NCOA3: variants seen among roughly 807,000 people sequenced by gnomAD.
NCOA3 encodes the protein nuclear receptor coactivator 3.
In NCOA3, 51 loss-of-function variants were observed where a neutral mutation model predicts 158.8. The ratio of observed to expected loss-of-function variants is 0.32; its 90% CI spans 0.26 to 0.41. NCOA3 has a LOEUF of 0.41. Ranked by LOEUF, NCOA3 falls within the 10% of genes least tolerant of loss-of-function variation. The pLI is 1.00. For missense variants in NCOA3, 1,510 were observed against 1,746.6 expected, an observed-to-expected ratio of 0.86 and a Z score of 2.41; for synonymous variants, 537 against 592.4, an observed-to-expected ratio of 0.91 and a Z score of 1.36.
In NCOA3 at chr20:47,655,586, G is replaced by A. The variant is rs3746480; in HGVS notation, c.*2169G>A. On this transcript the variant is annotated 3_prime_UTR_variant, in exon 23 of 23. Transcript: ENST00000371998. ...TATATCTAAGAAAGATTGTAAATCCGAAAACTTCCATTGTAGTGGCCTGTG... is the reference window on the plus strand; with the variant it reads ...TATATCTAAGAAAGATTGTAAATCCAAAAACTTCCATTGTAGTGGCCTGTG... The A allele has an allele frequency of 2.0e-5, 3 of 152,494 alleles. No individual in the cohort carries two copies. The highest frequency in any genetic ancestry group is 1.9e-4 in the East Asian group (1 of 5,188). 9.4% of individuals were successfully genotyped at this position (152,494 alleles called of 1,614,324 possible).
Position 47,636,404 on chromosome 20 carries a change from T to C in NCOA3, c.2018T>C (p.Met673Thr). 1.2e-6 allele frequency: 2 copies of C among 1,614,094 alleles called. No homozygotes were observed. Among genetic ancestry groups the C allele is most frequent in the South Asian group, 1.1e-5 (1 of 91,080 alleles). The change falls in exon 12 of 23, where the codon ATG (methionine) becomes ACG (threonine). Residue 673 changes from methionine to threonine, a missense_variant. Met to Thr is a moderately conservative substitution (Grantham distance 81). This residue lies in a region of NCOA3 where 1,017 missense variants were observed against 1,098.3 expected (regional missense o/e 0.93). Transcript: ENST00000371998. ...GGAGGAGTATCCTCTACATCCAATATGCATGGGTCACTGTTACAAGAGAAG... is the reference window on the plus strand; with the variant it reads ...GGAGGAGTATCCTCTACATCCAATACGCATGGGTCACTGTTACAAGAGAAG... The part of the protein sequence containing the change: ...TSGGVSSTSN[M>T]HGSLLQEKHR...
In NCOA3 at chr20:47,511,364, C is replaced by G. The variant is rs7268388; in HGVS notation, c.-99+9345C>G. 3.9e-3 allele frequency among the ~76,000 whole-genome samples: 571 copies of G among 145,546 alleles called. 5 individuals carry two copies. Among genetic ancestry groups the G allele is most frequent in the African/African-American group, 0.014 (534 of 39,546 alleles). On this transcript the variant is annotated intron_variant, in intron 1 of 22. Transcript: ENST00000371998. ...CAGGGCTCAAGCGGTTTTCCTGCCT[C>G]TGCCTCCCAAGTAGCTGGGACTACA...
At chr20:47,550,779 G>T (rs1159908620) in intron 1 of NCOA3, among the ~76,000 whole-genome samples, 1 of 152,120 alleles carries the variant, frequency 6.6e-6, no homozygotes, top group Non-Finnish European at 1.5e-5. Context: ...CAAAAAATGA[G>T]TGCATGTCAG....
intron 2 of NCOA3, among the ~76,000 whole-genome samples, chr20:47,592,877 A>G (rs536505551): frequency 2.0e-5 from 3 of 152,364 alleles, no homozygotes; most frequent in South Asian, 4.1e-4. Context: ...TTTAGATGAC[A>G]TTCCTCCAGC....
At chr20:47,646,183 A>G (rs962543907) in intron 17 of NCOA3, among the ~76,000 whole-genome samples, 1 of 152,224 alleles carries the variant, frequency 6.6e-6, no homozygotes, top group East Asian at 1.9e-4. Flanking sequence ...TACATTACTT[A>G]TAATACCTAA....
At chr20:47,555,632 GTTTTTTTTTTTT>G (rs74178745) in intron 1 of NCOA3, among the ~76,000 whole-genome samples, 4 of 64,154 alleles carry the variant, frequency 6.2e-5, no homozygotes, top group East Asian at 4.8e-4. Flanking sequence ...CTATTAAAGT[GTTTTTTTTTTTT>G]TTTTTTTTTT....
intron 18 of NCOA3, among the ~76,000 whole-genome samples, chr20:47,648,295 C>G (rs570587546): frequency 6.6e-6 from 1 of 152,202 alleles, no homozygotes; most frequent in South Asian, 2.1e-4. Context: ...AGCTGTGTTA[C>G]TGTATTCATT....
At chr20:47,561,800 G>T (rs1219547930) in intron 1 of NCOA3, among the ~76,000 whole-genome samples, 1 of 152,026 alleles carries the variant, frequency 6.6e-6, no homozygotes, top group African/African-American at 2.4e-5. Context: ...TTACATTAGG[G>T]TTAATTCATA....
intron 1 of NCOA3, among the ~76,000 whole-genome samples, chr20:47,577,135 T>G (rs2085384867): frequency 6.6e-6 from 1 of 152,254 alleles, no homozygotes; most frequent in Admixed American, 6.5e-5. Flanking sequence ...AGTATCGTTG[T>G]ATAAGCAAAA....
At chr20:47,570,157 T>C (rs1426255100) in intron 1 of NCOA3, among the ~76,000 whole-genome samples, 3 of 152,282 alleles carry the variant, frequency 2.0e-5, no homozygotes, top group African/African-American at 7.2e-5. Context: ...TTTGGTCATC[T>C]ATAAGAAGCA....
Position 47,639,973 on chromosome 20 carries a change from C to T in NCOA3, c.3002C>T (p.Ala1001Val). 1 of 1,614,210 alleles carries T rather than the reference C, an allele frequency of 6.2e-7. No individual in the cohort carries two copies. The highest frequency in any genetic ancestry group is 8.5e-7 in the Non-Finnish European group (1 of 1,180,044). The change falls in exon 16 of 23, where the codon GCA (alanine) becomes GTA (valine). Residue 1001 changes from alanine to valine, a missense_variant. Transcript: ENST00000371998. Reference sequence around the variant, plus strand: ...ATGGGGGCTAATCCCTATGGCCAAGCAGCAGCATCTAACCAACTGGGTTCC... The same window carrying T: ...ATGGGGGCTAATCCCTATGGCCAAGTAGCAGCATCTAACCAACTGGGTTCC... ...MGMGANPYGQ[A>V]AASNQLGSWP...
At chr20:47,650,382 C>T (rs1038117800) in intron 19 of NCOA3, among the ~76,000 whole-genome samples, 1 of 151,300 alleles carries the variant, frequency 6.6e-6, no homozygotes, top group African/African-American at 2.4e-5. Flanking sequence ...TCCTGAGTAG[C>T]TGGGATTACA....
At chr20:47,653,331 G>C in intron 22 of NCOA3, 75 bp from the exon 23 acceptor site, 2 of 1,531,424 alleles carry the variant, frequency 1.3e-6, no homozygotes, top group Non-Finnish European at 1.8e-6. Flanking sequence ...ATGTGGACAT[G>C]GGTATTTTTT....
intron 2 of NCOA3, among the ~76,000 whole-genome samples, chr20:47,599,847 A>C (rs926204711): frequency 8.5e-5 from 13 of 152,146 alleles, no homozygotes; most frequent in African/African-American, 2.2e-4. Flanking sequence ...TGCATTCTTA[A>C]AAAGACCATA....
intron 2 of NCOA3, among the ~76,000 whole-genome samples, chr20:47,588,373 G>A (rs1205324834): frequency 6.6e-6 from 1 of 150,534 alleles, no homozygotes; most frequent in African/African-American, 2.4e-5. Flanking sequence ...GAGGTCAGGC[G>A]ATCCGCCCGC....
At chr20:47,580,198 C>T (rs1051555407) in intron 1 of NCOA3, among the ~76,000 whole-genome samples, 6 of 151,922 alleles carry the variant, frequency 3.9e-5, no homozygotes, top group Non-Finnish European at 5.9e-5. Context: ...TCTAGGCCCT[C>T]TCACCACCTT....
At chr20:47,570,984 ATGTG>A (rs74178747) in intron 1 of NCOA3, among the ~76,000 whole-genome samples, 1 of 120,760 alleles carries the variant, frequency 8.3e-6, no homozygotes, top group Non-Finnish European at 1.7e-5. Flanking sequence ...ATATACATAT[ATGTG>A]TGTGTGTGTG....
chr20:47,618,131 G>A (rs1408700379), intron 2 of NCOA3, among the ~76,000 whole-genome samples: 1 of 152,084 alleles, frequency 6.6e-6, no homozygotes, highest in Non-Finnish European at 1.5e-5. Context: ...CAGCTACTCG[G>A]GAGGCTGAGA....
chr20:47,559,882 A>C (rs1057109393), intron 1 of NCOA3, among the ~76,000 whole-genome samples: 6 of 151,854 alleles, frequency 4.0e-5, no homozygotes, highest in African/African-American at 1.5e-4. Context: ...AAACTCTTCA[A>C]CTAAGGCAGT....
Sources: gnomAD v4.1 joint callset for allele counts (sites outside exome capture counted in the v4.1 genomes callset) on GRCh38, gnomAD v4.1.1 for gene constraint, gnomAD v4.1.1 regional missense constraint, MANE v1.5 for transcripts, NCBI Gene and HGNC (gene_info 2026-07-23, HGNC 2026-07-21) for gene names.